Variants in PPFIA2 observed in about 807,000 individuals in gnomAD.
PPFIA2 encodes PPFI scaffold protein A2.
A neutral mutation model predicts 175.5 loss-of-function variants in PPFIA2; 46 were observed. The ratio of observed to expected loss-of-function variants is 0.26; its 90% CI spans 0.21 to 0.34. The LOEUF (loss-of-function observed/expected upper bound fraction) is 0.34, where lower values mean the gene tolerates loss of function less well. Ranked by LOEUF, PPFIA2 falls within the 10% of genes least tolerant of loss-of-function variation. The probability of loss-of-function intolerance (pLI) is 1.00; values close to 1 mark genes in which losing one functional copy is unlikely to be tolerated. For synonymous variants in PPFIA2, 568 were observed against 511.4 expected (o/e 1.11, Z -1.49); for missense variants, 1,179 against 1,506.1 (o/e 0.78, Z 3.60).
intron 4 of PPFIA2, among the ~76,000 whole-genome samples, chr12:81,613,191 C>T (rs376240683): frequency 6.6e-6 from 1 of 152,054 alleles, no homozygotes; most frequent in Non-Finnish European, 1.5e-5. Flanking sequence ...AGCTCTAGAG[C>T]GGAATGTTAT....
At chr12:81,508,941 T>A (rs2061490312) in intron 4 of PPFIA2, among the ~76,000 whole-genome samples, 2 of 152,058 alleles carry the variant, frequency 1.3e-5, no homozygotes, top group Non-Finnish European at 2.9e-5. Flanking sequence ...TAGCAAAGAC[T>A]TGGAACCAAC....
intron 7 of PPFIA2, 174 bp downstream of exon 7, chr12:81,439,798 A>C (rs962756205): frequency 6.6e-6 from 4 of 601,606 alleles, no homozygotes; most frequent in Non-Finnish European, 1.1e-5. Context: ...ACATATAAAT[A>C]ACCAAAAATC....
At chr12:81,659,976 A>T (rs1006952507) in intron 4 of PPFIA2, among the ~76,000 whole-genome samples, 1 of 152,226 alleles carries the variant, frequency 6.6e-6, no homozygotes, top group Admixed American at 6.5e-5. Context: ...ACAGACCTGC[A>T]GCTGAGGGTC....
At chr12:81,595,505 G>A (rs889311303) in intron 4 of PPFIA2, among the ~76,000 whole-genome samples, 2 of 151,960 alleles carry the variant, frequency 1.3e-5, no homozygotes, top group African/African-American at 4.8e-5. Flanking sequence ...CCAGGGTCCA[G>A]GCACCTCTGA....
intron 22 of PPFIA2, among the ~76,000 whole-genome samples, chr12:81,325,477 AG>A (rs2054559491): frequency 6.6e-6 from 1 of 152,164 alleles, no homozygotes; most frequent in South Asian, 2.1e-4. Context: ...CAAACCAATC[AG>A]GTTTTAATTT....
At position 81,383,509 on chromosome 12, in the gene PPFIA2, AT is replaced by A. The variant is rs368737160; in HGVS notation, c.984+513del. On this transcript the variant is annotated intron_variant, in intron 9 of 32. Coordinates refer to ENST00000549396, the MANE Select transcript of PPFIA2 (RefSeq NM_003625.5). ...AGACTGAGAAATGACTAAAGTACTCATTTTTTTAAGTAGAAAAAGGGATGTT... is the reference window on the plus strand; with the variant it reads ...AGACTGAGAAATGACTAAAGTACTCATTTTTTAAGTAGAAAAAGGGATGTT... Among the ~76,000 whole-genome samples the A allele has an allele frequency of 2.6e-3, 393 of 152,120 alleles. 1 individual carries two copies. Among genetic ancestry groups the A allele is most frequent in the African/African-American group, 9.1e-3 (376 of 41,536 alleles).
chr12:81,597,365 C>T (rs185313064), intron 4 of PPFIA2, among the ~76,000 whole-genome samples: 244 of 151,952 alleles, frequency 1.6e-3, no homozygotes, highest in African/African-American at 5.7e-3. Context: ...TTTGACTTTT[C>T]GATAACACAG....
chr12:81,595,499 G>T (rs1050171636), intron 4 of PPFIA2, among the ~76,000 whole-genome samples: 14 of 151,814 alleles, frequency 9.2e-5, no homozygotes, highest in Admixed American at 3.3e-4. Flanking sequence ...CATCATCCAG[G>T]GTCCAGGCAC....
At chr12:81,422,601 G>A (rs188496010) in intron 7 of PPFIA2, among the ~76,000 whole-genome samples, 94 of 152,144 alleles carry the variant, frequency 6.2e-4, no homozygotes, top group East Asian at 4.1e-3. Flanking sequence ...TTACATGGAC[G>A]GCAGCAGGCA....
At chr12:81,514,994 C>T (rs2062233455) in intron 4 of PPFIA2, among the ~76,000 whole-genome samples, 1 of 151,798 alleles carries the variant, frequency 6.6e-6, no homozygotes, top group Non-Finnish European at 1.5e-5. Flanking sequence ...TATATTCAAT[C>T]TTTAAGATCA....
Position 81,277,359 on chromosome 12 carries a change from C to A in PPFIA2, c.3268G>T (p.Glu1090Ter). 1 of 1,570,064 alleles carries A rather than the reference C, an allele frequency of 6.4e-7. No individual in the cohort carries two copies. ...CTTGCTTCCCGTCTTCTTTCTAGTTCTTTTCTGTCATAATTCAACCTCTTT... is the reference window on the plus strand; with the variant it reads ...CTTGCTTCCCGTCTTCTTTCTAGTTATTTTCTGTCATAATTCAACCTCTTT... ...CLKRLNYDRK[E>*]LERRREASQH... Residue 1090 changes from glutamate to a stop codon, truncating the protein, a stop_gained, in exon 28 of 33, where the codon GAA becomes TAA. Transcript: ENST00000549396. LOFTEE classifies it high-confidence loss of function.
chr12:81,282,985 G>T, intron 26 of PPFIA2, 25 bp downstream of exon 26: 1 of 1,596,014 alleles, frequency 6.3e-7, no homozygotes. Flanking sequence ...GATATTAAGG[G>T]TCTTAAAGCA....
At chr12:81,418,038 T>C (rs1276734085) in intron 7 of PPFIA2, among the ~76,000 whole-genome samples, 3 of 151,832 alleles carry the variant, frequency 2.0e-5, no homozygotes, top group African/African-American at 7.3e-5. Context: ...TTTTACGTTG[T>C]TTGAATGTAT....
At chr12:81,639,375 AG>A (rs1305432394) in intron 4 of PPFIA2, among the ~76,000 whole-genome samples, 1 of 152,156 alleles carries the variant, frequency 6.6e-6, no homozygotes, top group Non-Finnish European at 1.5e-5. Flanking sequence ...AAACTACAAT[AG>A]AACATTCACT....
intron 3 of PPFIA2, among the ~76,000 whole-genome samples, chr12:81,713,067 A>C (rs2078151996): frequency 6.6e-6 from 1 of 151,310 alleles, no homozygotes; most frequent in South Asian, 2.1e-4. Context: ...TATTATGCCA[A>C]ATTTTTACCT....
intron 4 of PPFIA2, among the ~76,000 whole-genome samples, chr12:81,462,527 T>C (rs1179822348): frequency 1.4e-5 from 2 of 143,088 alleles, no homozygotes; most frequent in African/African-American, 2.6e-5. Flanking sequence ...TTCACTCATA[T>C]ATATGTATGT....
intron 4 of PPFIA2, among the ~76,000 whole-genome samples, chr12:81,564,542 A>C (rs770760347): frequency 5.3e-5 from 8 of 152,178 alleles, no homozygotes; most frequent in East Asian, 1.9e-4. Context: ...GATTAGGCCC[A>C]AAAATGCTAA....
At chr12:81,556,460 G>C (rs566131625) in intron 4 of PPFIA2, among the ~76,000 whole-genome samples, 1 of 151,758 alleles carries the variant, frequency 6.6e-6, no homozygotes, top group Non-Finnish European at 1.5e-5. Flanking sequence ...CACATTAGAA[G>C]ATGCAAAACT....
chr12:81,374,429 AG>A (rs2035897900), intron 11 of PPFIA2, among the ~76,000 whole-genome samples: 3 of 152,154 alleles, frequency 2.0e-5, no homozygotes, highest in African/African-American at 7.2e-5. Context: ...TTAAATAGGC[AG>A]GGGGATCATC....
Sources: allele counts gnomAD v4.1 joint callset (sites outside exome capture counted in the v4.1 genomes callset), GRCh38; gene constraint gnomAD v4.1.1; transcripts MANE v1.5; gene names NCBI Gene and HGNC (gene_info 2026-07-23, HGNC 2026-07-21).